The following GPC3 variants were observed in gnomAD, a reference collection of about 807,000 sequenced individuals.
GPC3 encodes the protein glypican-3.
In GPC3, 3 loss-of-function variants were observed where a neutral mutation model predicts 34.4. That is an observed-to-expected ratio of 0.09 (90% confidence interval 0.04 to 0.23). GPC3 has a LOEUF of 0.23. Ranked by LOEUF, GPC3 falls within the 10% of genes least tolerant of loss-of-function variation. GPC3 has a pLI of 1.00. For synonymous variants in GPC3, 177 were observed against 174.0 expected, an observed-to-expected ratio of 1.02 and a Z score of -0.13; for missense variants, 351 against 445.6, an observed-to-expected ratio of 0.79 and a Z score of 1.91.
intron 6 of GPC3, among the ~76,000 whole-genome samples, chrX:133,599,505 CAAAT>C (rs1322564269): frequency 9.0e-6 from 1 of 111,336 alleles, no homozygotes; most frequent in Non-Finnish European, 1.9e-5. Flanking sequence ...GGGGAAAAGA[CAAAT>C]AACATCTTAG....
intron 2 of GPC3, among the ~76,000 whole-genome samples, chrX:133,912,388 T>G (rs1169228020): frequency 2.7e-5 from 3 of 112,337 alleles, no homozygotes; most frequent in Non-Finnish European, 5.6e-5. Context: ...ACGCAGTATG[T>G]GAAAGCTATC....
chrX:133,741,743 T>TAG, intron 3 of GPC3, among the ~76,000 whole-genome samples: 1 of 112,929 alleles, frequency 8.9e-6, no homozygotes, highest in South Asian at 3.6e-4. Context: ...GTAAAGAGCT[T>TAG]AGAATTGTGT....
At chrX:133,772,497 G>A (rs1157903058) in intron 2 of GPC3, among the ~76,000 whole-genome samples, 2 of 111,292 alleles carry the variant, frequency 1.8e-5, no homozygotes, top group South Asian at 7.7e-4. Context: ...TGGGTTGATG[G>A]TATCGTCATA....
chrX:133,793,447 A>G (rs974914199), intron 2 of GPC3, among the ~76,000 whole-genome samples: 24 of 111,995 alleles, frequency 2.1e-4, no homozygotes, highest in African/African-American at 7.8e-4. Flanking sequence ...TAAGTTTGAC[A>G]ATACCCCCTT....
rs144479829 is a variant in GPC3 at position 133,824,717 on chromosome X, A to G, written c.338-70541T>C. 4.4e-3 allele frequency among the ~76,000 whole-genome samples: 485 copies of G among 111,313 alleles called. 3 individuals carry two copies. The highest frequency in any genetic ancestry group is 0.016 in the African/African-American group (472 of 30,408). On this transcript the variant is annotated intron_variant, in intron 2 of 7. Transcript: ENST00000370818. The stretch of plus-strand genomic sequence containing the variant: ...AAATTGTACCCCATAAATATGTACA[A>G]TTACAATGCATCAATTTAAAAAGTG...
intron 3 of GPC3, among the ~76,000 whole-genome samples, chrX:133,711,417 AT>A (rs759518756): frequency 9.9e-5 from 11 of 111,625 alleles, no homozygotes; most frequent in Non-Finnish European, 2.1e-4. Flanking sequence ...TTGGAAATGC[AT>A]TTTGGGGCCA....
intron 2 of GPC3, among the ~76,000 whole-genome samples, chrX:133,904,280 T>C (rs763449488): frequency 1.8e-5 from 2 of 111,685 alleles, no homozygotes; most frequent in Non-Finnish European, 3.8e-5. Context: ...TCACAAACTG[T>C]GTGACAACAA....
chrX:133,615,018 T>C (rs1055459270), intron 6 of GPC3, among the ~76,000 whole-genome samples: 1 of 112,116 alleles, frequency 8.9e-6, no homozygotes, highest in Admixed American at 9.5e-5. Context: ...AAAATCTGAA[T>C]AGATCTATAA....
chrX:133,688,835 G>A (rs375710591), intron 5 of GPC3, among the ~76,000 whole-genome samples: 3 of 111,603 alleles, frequency 2.7e-5, no homozygotes, highest in East Asian at 2.8e-4. Flanking sequence ...CACTATAGAT[G>A]AGACACGAGT....
chrX:133,983,455 G>C (rs1327650071), intron 1 of GPC3, among the ~76,000 whole-genome samples: 1 of 112,363 alleles, frequency 8.9e-6, no homozygotes, highest in African/African-American at 3.2e-5. Flanking sequence ...ATGCTGCAAA[G>C]AGGCAGGCAG....
rs145226416 is a variant in GPC3 at position 133,721,822 on chromosome X, T to C, written c.1033-21794A>G. On this transcript the variant is annotated intron_variant, in intron 3 of 7. Transcript: ENST00000370818. ...TTAAATAAAAATTAAGTGCTAAATC[T>C]GTAAAACTCTTAAATAAAAATTTTG... Among the ~76,000 whole-genome samples the C allele has an allele frequency of 6.5e-3, 731 of 112,108 alleles. 15 individuals carry two copies. The East Asian group carries it at 0.079, about 12-fold the overall frequency.
intron 2 of GPC3, among the ~76,000 whole-genome samples, chrX:133,802,638 G>A (rs1298782844): frequency 1.8e-5 from 2 of 112,175 alleles, no homozygotes; most frequent in Non-Finnish European, 3.8e-5. Context: ...CTAGTTAGAA[G>A]TGAATAACAC....
intron 1 of GPC3, among the ~76,000 whole-genome samples, chrX:133,978,602 TA>T (rs374233567): frequency 3.0e-3 from 326 of 110,233 alleles, no homozygotes; most frequent in African/African-American, 0.01. Context: ...ATTTTTGACC[TA>T]AAAAAAAACT....
intron 2 of GPC3, among the ~76,000 whole-genome samples, chrX:133,893,684 G>A (rs2076098783): frequency 9.0e-6 from 1 of 111,323 alleles, no homozygotes; most frequent in Admixed American, 9.6e-5. Context: ...TGAGGATCCT[G>A]TGAAGGACAC....
At chrX:133,593,335 AAAAAAAAAAAAAAAAAAGT>A (rs1305013419) in intron 7 of GPC3, among the ~76,000 whole-genome samples, 8 of 102,537 alleles carry the variant, frequency 7.8e-5, no homozygotes, top group East Asian at 6.0e-4. Flanking sequence ...TGTCTCAAAA[AAAAAAAAAAAAAAAAAAGT>A]AAAAAAAAAA....
chrX:133,889,930 G>A (rs893527815), intron 2 of GPC3, among the ~76,000 whole-genome samples: 3 of 101,720 alleles, frequency 2.9e-5, no homozygotes, highest in African/African-American at 1.1e-4. Context: ...CCACTGCCTC[G>A]CTAATTTTTT....
intron 2 of GPC3, among the ~76,000 whole-genome samples, chrX:133,788,043 A>T (rs2072119510): frequency 1.0e-5 from 1 of 99,839 alleles, no homozygotes; most frequent in Admixed American, 1.1e-4. Flanking sequence ...ATGTTTTATG[A>T]TATATACATA....
At chrX:133,687,756 G>T (rs765344628) in intron 5 of GPC3, among the ~76,000 whole-genome samples, 1 of 110,871 alleles carries the variant, frequency 9.0e-6, no homozygotes, top group Non-Finnish European at 1.9e-5. Flanking sequence ...GACAAAATAC[G>T]TTTATTTTTT....
intron 2 of GPC3, among the ~76,000 whole-genome samples, chrX:133,756,892 C>T (rs1198070239): frequency 8.9e-6 from 1 of 112,366 alleles, no homozygotes; most frequent in Non-Finnish European, 1.9e-5. Context: ...CTAAAGGCTC[C>T]TGGGAGACTT....
Sources: gnomAD v4.1 joint callset for allele counts (sites outside exome capture counted in the v4.1 genomes callset) on GRCh38, gnomAD v4.1.1 for gene constraint, MANE v1.5 for transcripts, NCBI Gene and HGNC (gene_info 2026-07-23, HGNC 2026-07-21) for gene names.